Variants in ZDHHC21 observed in about 807,000 individuals in gnomAD.
ZDHHC21 encodes zDHHC palmitoyltransferase 21, also known as palmitoyltransferase ZDHHC21.
ZDHHC21 carries 15 observed loss-of-function variants against 34.6 expected under a neutral mutation model. The ratio of observed to expected loss-of-function variants is 0.43; its 90% CI spans 0.29 to 0.67. ZDHHC21 has a LOEUF of 0.67. ZDHHC21 is among the 30% of genes least tolerant of loss of function. The pLI, the probability that ZDHHC21 is intolerant of heterozygous loss-of-function variation, is 0.14. For missense variants in ZDHHC21, 344 were observed against 327.7 expected (o/e 1.05, Z -0.38); for synonymous variants, 142 against 101.8 (o/e 1.40, Z -2.38).
At chr9:14,624,711 T>C (rs1314708233) in intron 8 of ZDHHC21, among the ~76,000 whole-genome samples, 7 of 151,922 alleles carry the variant, frequency 4.6e-5, no homozygotes, top group Non-Finnish European at 1.5e-5. Context: ...TAGAAAGGAG[T>C]AATAAATTGT....
chr9:14,668,602 T>C (rs1408956333), intron 5 of ZDHHC21, among the ~76,000 whole-genome samples: 2 of 151,640 alleles, frequency 1.3e-5, no homozygotes, highest in Non-Finnish European at 2.9e-5. Flanking sequence ...CTTCAAACTA[T>C]ACAACAAGGC....
chr9:14,649,380 A>G (rs1564289659), intron 7 of ZDHHC21, among the ~76,000 whole-genome samples: 2 of 152,132 alleles, frequency 1.3e-5, no homozygotes, highest in South Asian at 4.1e-4. Flanking sequence ...GGGTAGGTTC[A>G]TAAGGCAAAT....
intron 5 of ZDHHC21, among the ~76,000 whole-genome samples, chr9:14,664,228 G>C (rs552192953): frequency 1.3e-5 from 2 of 152,230 alleles, no homozygotes; most frequent in East Asian, 1.9e-4. Context: ...TTCCCTTTCC[G>C]AGTCAAAGAA....
intron 1 of ZDHHC21, among the ~76,000 whole-genome samples, chr9:14,692,536 C>A (rs139199994): frequency 5.9e-4 from 90 of 152,198 alleles, no homozygotes; most frequent in African/African-American, 2.0e-3. Flanking sequence ...GTGATACAGA[C>A]ATCCACCCTG....
At chr9:14,619,561 C>T in intron 9 of ZDHHC21, 78 bp downstream of exon 9, 4 of 1,119,572 alleles carry the variant, frequency 3.6e-6, no homozygotes, top group South Asian at 1.4e-5. Context: ...TATCTATCTA[C>T]CATATGCACA....
intron 8 of ZDHHC21, chr9:14,622,428 A>C: frequency 9.8e-6 from 6 of 613,004 alleles, no homozygotes; most frequent in Non-Finnish European, 1.2e-5. Context: ...GGAAGTTCCT[A>C]AGAGAAAAGG....
At chr9:14,676,416 A>G (rs1836384786) in intron 3 of ZDHHC21, among the ~76,000 whole-genome samples, 1 of 152,002 alleles carries the variant, frequency 6.6e-6, no homozygotes, top group African/African-American at 2.4e-5. Context: ...CTACTGAAAC[A>G]AAGAAAAAGA....
the ZDHHC21 span, among the ~76,000 whole-genome samples, chr9:14,595,346 G>A: frequency 2.0e-5 from 3 of 152,148 alleles, no homozygotes; most frequent in Admixed American, 6.5e-5. Context: ...CATAGATTAC[G>A]GACACATGGT....
At chr9:14,691,805 C>T (rs546034361) in intron 1 of ZDHHC21, among the ~76,000 whole-genome samples, 2 of 152,266 alleles carry the variant, frequency 1.3e-5, no homozygotes, top group South Asian at 2.1e-4. Flanking sequence ...TACATTTTAA[C>T]TTATATTTTC....
intron 6 of ZDHHC21, among the ~76,000 whole-genome samples, chr9:14,660,792 T>C (rs1165428269): frequency 6.6e-6 from 1 of 152,198 alleles, no homozygotes; most frequent in Non-Finnish European, 1.5e-5. Flanking sequence ...TCTTTCCTAG[T>C]TCTTTCTTAC....
intron 5 of ZDHHC21, among the ~76,000 whole-genome samples, chr9:14,664,394 T>G (rs1833996686): frequency 1.3e-5 from 2 of 150,222 alleles, no homozygotes; most frequent in Non-Finnish European, 3.0e-5. Flanking sequence ...AGCACAGCAG[T>G]CTGAGATCAA....
intron 7 of ZDHHC21, among the ~76,000 whole-genome samples, chr9:14,647,035 G>C (rs539573508): frequency 6.6e-6 from 1 of 152,144 alleles, no homozygotes; most frequent in Non-Finnish European, 1.5e-5. Flanking sequence ...CATGTGAAGA[G>C]ACAGAGAAAA....
chr9:14,589,882 G>C, the ZDHHC21 span: 1 of 152,270 alleles, frequency 6.6e-6, no homozygotes, highest in East Asian at 1.9e-4. Flanking sequence ...ACTCCAAAAT[G>C]CTAAATTAAA....
chr9:14,639,856 T>C lies in ZDHHC21; in HGVS notation c.621+40A>G. The C allele has an allele frequency of 4.2e-6, 5 of 1,183,726 alleles. No homozygotes were observed. The East Asian group carries it at 1.2e-4, about 29-fold the overall frequency. The allele number at this position is 1,183,726 out of a possible 1,614,324, so 73.3% of individuals were successfully genotyped here. A position where few individuals can be genotyped will look rare whatever the true frequency, so the allele number is the denominator to read the frequency against. ...GAGAATTACATTCATAATTAGGTAA[T>C]ATATTCATAAATGTTACTTTACATT... On this transcript the variant is annotated intron_variant, in intron 8 of 9. Transcript: ENST00000380916.
chr9:14,606,376 T>C (rs1823015490), downstream of ZDHHC21, among the ~76,000 whole-genome samples: 1 of 152,188 alleles, frequency 6.6e-6, no homozygotes, highest in African/African-American at 2.4e-5. Context: ...ATGCTGTAAG[T>C]AAGCCCAAAG....
Position 14,614,834 on chromosome 9 carries a change from T to C in ZDHHC21, c.*4132A>G, listed in dbSNP as rs1232257068. The C allele has an allele frequency of 6.6e-6, 1 of 151,698 alleles. No homozygotes were observed. Among genetic ancestry groups the C allele is most frequent in the Non-Finnish European group, 1.5e-5 (1 of 67,704 alleles). The allele number at this position is 151,698 out of a possible 1,614,324, so 9.4% of individuals were successfully genotyped here. ...ATATTTGTATCTATTAGCAAACTAC[T>C]CAATGTTTGTATGTGTGAATTTTAT... On this transcript the variant is annotated 3_prime_UTR_variant, in exon 10 of 10. Transcript: ENST00000380916.
At chr9:14,650,814 T>G (rs1365322868) in intron 7 of ZDHHC21, among the ~76,000 whole-genome samples, 1 of 151,998 alleles carries the variant, frequency 6.6e-6, no homozygotes, top group African/African-American at 2.4e-5. Flanking sequence ...AAACATTATT[T>G]ATTTTCCTCT....
intron 7 of ZDHHC21, among the ~76,000 whole-genome samples, chr9:14,655,111 A>G (rs1831946308): frequency 6.6e-6 from 1 of 152,064 alleles, no homozygotes; most frequent in Non-Finnish European, 1.5e-5. Flanking sequence ...AAATCATAAA[A>G]ACAGCTAAAG....
At chr9:14,644,768 A>C (rs1829995860) in intron 7 of ZDHHC21, among the ~76,000 whole-genome samples, 1 of 151,472 alleles carries the variant, frequency 6.6e-6, no homozygotes, top group South Asian at 2.1e-4. Flanking sequence ...ACCACATTAC[A>C]TACTATATAC....
Sources: allele counts gnomAD v4.1 joint callset (sites outside exome capture counted in the v4.1 genomes callset), GRCh38; gene constraint gnomAD v4.1.1; transcripts MANE v1.5; gene names NCBI Gene and HGNC (gene_info 2026-07-23, HGNC 2026-07-21).